LGR5: variants seen among roughly 807,000 people sequenced by gnomAD.
LGR5 encodes leucine-rich repeat-containing G protein-coupled receptor 5.
A neutral mutation model predicts 76.7 loss-of-function variants in LGR5; 54 were observed. That is an observed-to-expected ratio of 0.70 (90% CI 0.57 to 0.88). The LOEUF (loss-of-function observed/expected upper bound fraction) is 0.88. LGR5 is among the 40% of genes least tolerant of loss of function. The pLI is 0.00. For missense variants in LGR5, 1,078 were observed against 1,073.3 expected (o/e 1.00, Z -0.06); for synonymous variants, 406 against 421.9 (o/e 0.96, Z 0.46).
chr12:71,494,212 C>T (rs1329350141), intron 1 of LGR5, among the ~76,000 whole-genome samples: 2 of 150,928 alleles, frequency 1.3e-5, no homozygotes, highest in African/African-American at 2.5e-5. Flanking sequence ...TCCCAAAGTG[C>T]TGGGATTACA....
Position 71,440,761 on chromosome 12 carries a change from G to A in LGR5, c.212+469G>A, listed in dbSNP as rs1329251672. Among the ~76,000 whole-genome samples the A allele has an allele frequency of 6.6e-6, 1 of 152,198 alleles. No homozygotes were observed. Among genetic ancestry groups the A allele is most frequent in the Non-Finnish European group, 1.5e-5 (1 of 68,030 alleles). On this transcript the variant is annotated intron_variant, in intron 1 of 17. Coordinates refer to ENST00000266674, the MANE Select transcript of LGR5 (RefSeq NM_003667.4). This position sits in a 1 kb window ranked among gnomAD's most constrained non-coding sequence, Gnocchi z 5.3. ...GAGAAACAACTTGCCCAGCTCCAAA[G>A]GGTTTTTAGTCTGCATCCCTTGCAC...
At chr12:71,460,339 G>A (rs1484181975) in intron 1 of LGR5, among the ~76,000 whole-genome samples, 2 of 152,112 alleles carry the variant, frequency 1.3e-5, no homozygotes, top group Non-Finnish European at 2.9e-5. Flanking sequence ...TGGAGAAGTT[G>A]GCTAAACTTA....
At chr12:71,542,856 G>C (rs144743610) in intron 4 of LGR5, among the ~76,000 whole-genome samples, 1 of 151,606 alleles carries the variant, frequency 6.6e-6, no homozygotes, top group Non-Finnish European at 1.5e-5. Context: ...TTGAAATCCA[G>C]ATCTGGATGG....
chr12:71,468,139 C>T (rs1872936312), intron 1 of LGR5, among the ~76,000 whole-genome samples: 1 of 152,168 alleles, frequency 6.6e-6, no homozygotes, highest in Non-Finnish European at 1.5e-5. Flanking sequence ...GTAGGCAAGA[C>T]AGTACCCAGA....
chr12:71,534,215 A>G (rs776154747), intron 3 of LGR5, among the ~76,000 whole-genome samples: 2 of 152,256 alleles, frequency 1.3e-5, no homozygotes, highest in Non-Finnish European at 2.9e-5. Context: ...ACATTTATGA[A>G]TAAGGTAGCA....
chr12:71,551,226 T>C (rs1040535286), intron 4 of LGR5, among the ~76,000 whole-genome samples: 3 of 152,212 alleles, frequency 2.0e-5, no homozygotes, highest in African/African-American at 7.2e-5. Flanking sequence ...TTCCTTCCCA[T>C]TCAGTCTGTA....
At chr12:71,446,211 G>A (rs1439724857) in intron 1 of LGR5, among the ~76,000 whole-genome samples, 2 of 152,172 alleles carry the variant, frequency 1.3e-5, no homozygotes, top group South Asian at 2.1e-4. Context: ...CTACTAGTCC[G>A]CAAGTACAAA....
At chr12:71,521,937 T>C (rs549324622) in intron 2 of LGR5, among the ~76,000 whole-genome samples, 9 of 152,224 alleles carry the variant, frequency 5.9e-5, no homozygotes, top group Non-Finnish European at 1.3e-4. Flanking sequence ...GTAGAGACAC[T>C]GACCATCAGA....
chr12:71,495,944 T>G (rs74101862), intron 1 of LGR5, among the ~76,000 whole-genome samples: 3,470 of 152,284 alleles, frequency 0.023, 135 homozygotes, highest in African/African-American at 0.079. Context: ...AATGTTCTGC[T>G]GGCACTTTGC....
intron 1 of LGR5, among the ~76,000 whole-genome samples, chr12:71,444,260 C>T (rs1026678987): frequency 3.3e-5 from 5 of 152,054 alleles, no homozygotes; most frequent in African/African-American, 1.2e-4. Flanking sequence ...ACAGTTTGCT[C>T]TAAAATGTAC....
At chr12:71,567,060 T>C (rs1290424525) in intron 11 of LGR5, 148 bp downstream of exon 11, 2 of 661,924 alleles carry the variant, frequency 3.0e-6, no homozygotes, top group Admixed American at 4.5e-5. Context: ...TTGCCCTCTT[T>C]GGTCCAGGCT....
intron 3 of LGR5, among the ~76,000 whole-genome samples, chr12:71,530,633 C>G (rs926534643): frequency 1.3e-5 from 2 of 152,098 alleles, no homozygotes; most frequent in African/African-American, 4.8e-5. Flanking sequence ...GTAATTGGTT[C>G]TGTATGGCAA....
chr12:71,569,429 C>G (rs1319233990), intron 11 of LGR5, among the ~76,000 whole-genome samples: 1 of 152,174 alleles, frequency 6.6e-6, no homozygotes, highest in Admixed American at 6.5e-5. Context: ...GGGCTAATAT[C>G]CAGAATCTAC....
intron 9 of LGR5, 43 bp from the exon 10 acceptor site, chr12:71,566,589 C>A: frequency 1.3e-6 from 2 of 1,558,668 alleles, no homozygotes; most frequent in Non-Finnish European, 8.8e-7. Context: ...TTACCCCTGT[C>A]TAGAATCTTC....
intron 1 of LGR5, among the ~76,000 whole-genome samples, chr12:71,451,939 G>C (rs2137210672): frequency 6.6e-6 from 1 of 151,966 alleles, no homozygotes; most frequent in East Asian, 1.9e-4. Context: ...GCTCTTTCAG[G>C]GCTCTTGACT....
In LGR5 at chr12:71,524,463, C is replaced by G; in HGVS notation, c.342C>G (p.Tyr114Ter). 3 of 1,611,434 alleles carry G rather than the reference C, an allele frequency of 1.9e-6. No homozygotes were observed. Among genetic ancestry groups the G allele is most frequent in the Non-Finnish European group, 2.5e-6 (3 of 1,177,824 alleles). Residue 114 changes from tyrosine to a stop codon, truncating the protein, a stop_gained, in exon 3 of 18, where the codon TAC (tyrosine) becomes TAG (stop). Transcript: ENST00000266674. LOFTEE classifies it high-confidence loss of function. ...YIPKGAFTGL[Y>*]SLKVLMLQNN... is the part of the protein sequence containing the mutation. ...CCAAGGGAGCATTCACTGGCCTTTACAGTCTTAAAGTTCTGTAAGTAAACT... is the reference window on the plus strand; with the variant it reads ...CCAAGGGAGCATTCACTGGCCTTTAGAGTCTTAAAGTTCTGTAAGTAAACT...
chr12:71,544,924 G>A (rs1340543635), intron 4 of LGR5, among the ~76,000 whole-genome samples: 1 of 152,032 alleles, frequency 6.6e-6, no homozygotes, highest in Admixed American at 6.6e-5. Flanking sequence ...CTCACAAAAT[G>A]TACAATGTAC....
At chr12:71,479,756 C>T (rs1237522056) in intron 1 of LGR5, among the ~76,000 whole-genome samples, 1 of 152,010 alleles carries the variant, frequency 6.6e-6, no homozygotes, top group Non-Finnish European at 1.5e-5. Context: ...AGAAAAATCC[C>T]TGAGAAAGGA....
At chr12:71,474,870 T>C (rs1873258624) in intron 1 of LGR5, among the ~76,000 whole-genome samples, 1 of 152,232 alleles carries the variant, frequency 6.6e-6, no homozygotes, top group Non-Finnish European at 1.5e-5. Context: ...AGCATAGAGT[T>C]ACTTTAAAGC....
Sources: gnomAD v4.1 joint callset for allele counts (sites outside exome capture counted in the v4.1 genomes callset) on GRCh38, gnomAD v4.1.1 for gene constraint, Gnocchi (gnomAD v3.1) non-coding constraint, MANE v1.5 for transcripts, NCBI Gene and HGNC (gene_info 2026-07-23, HGNC 2026-07-21) for gene names.